Variants in SNTB1 observed in about 807,000 individuals in gnomAD.
The protein encoded by SNTB1 is syntrophin beta 1, also known as beta-1-syntrophin.
Under a neutral mutation model 48.9 loss-of-function variants are expected in SNTB1, and 36 were observed. The observed-to-expected ratio is 0.74, with a 90% CI of 0.56 to 0.97. The LOEUF is 0.97. Ranked by LOEUF, SNTB1 falls within the 50% of genes least tolerant of loss-of-function variation. The pLI, the probability that SNTB1 is intolerant of heterozygous loss-of-function variation, is 0.00. For missense variants in SNTB1, 786 were observed against 703.4 expected (o/e 1.12, Z -1.33); for synonymous variants, 299 against 294.6 (o/e 1.01, Z -0.15).
chr8:120,689,031 G>A (rs974236948), intron 2 of SNTB1, among the ~76,000 whole-genome samples: 21 of 152,162 alleles, frequency 1.4e-4, no homozygotes, highest in Non-Finnish European at 1.8e-4. Context: ...AAAAACAAGA[G>A]ATATTTAAGA....
At chr8:120,557,996 T>C (rs997747053) in intron 4 of SNTB1, among the ~76,000 whole-genome samples, 1 of 152,212 alleles carries the variant, frequency 6.6e-6, no homozygotes, top group African/African-American at 2.4e-5. Flanking sequence ...TTCTGGGAAC[T>C]AAATACCAAG....
At position 120,648,713 on chromosome 8, in the gene SNTB1, T is replaced by C. The variant is rs897006849; in HGVS notation, c.789-16062A>G. On this transcript the variant is annotated intron_variant, in intron 2 of 6. Transcript: ENST00000517992. ...TATTTCCTGAATCTGAACGTTGGCC[T>C]GCCTTGCTAGATTAGGGAAGTTCTC... Among the ~76,000 whole-genome samples, 102 of 152,190 alleles carry C rather than the reference T, an allele frequency of 6.7e-4. 1 individual carries two copies. The highest frequency in any genetic ancestry group is 1.2e-3 in the Non-Finnish European group (83 of 67,980).
chr8:120,616,715 GC>G (rs1240096387), intron 3 of SNTB1, among the ~76,000 whole-genome samples: 3 of 152,138 alleles, frequency 2.0e-5, no homozygotes, highest in Admixed American at 2.0e-4. Context: ...TTTGCATAAA[GC>G]CACTTAAAAA....
chr8:120,727,300 G>T (rs115864397), intron 1 of SNTB1, among the ~76,000 whole-genome samples: 1 of 152,108 alleles, frequency 6.6e-6, no homozygotes, highest in Non-Finnish European at 1.5e-5. Context: ...GTGTCCAAGG[G>T]TTATGTCTAC....
chr8:120,615,099 C>T (rs1054080622), intron 3 of SNTB1, among the ~76,000 whole-genome samples: 4 of 151,796 alleles, frequency 2.6e-5, no homozygotes, highest in South Asian at 4.2e-4. Flanking sequence ...TTCAGTGAGC[C>T]GAGATTGCGC....
intron 1 of SNTB1, among the ~76,000 whole-genome samples, chr8:120,699,483 A>G (rs1238638960): frequency 2.6e-5 from 4 of 152,090 alleles, no homozygotes; most frequent in Non-Finnish European, 5.9e-5. Context: ...CCTTTGTCCC[A>G]TTCTTGCCAT....
chr8:120,582,962 A>G lies in SNTB1; in HGVS notation c.997-7737T>C, dbSNP rs182200762. ...AAAAAATGAAACAGGGGACATCACT[A>G]CATAGTCTGCAGATATTAAATATAA... On this transcript the variant is annotated intron_variant, in intron 3 of 6. Transcript: ENST00000517992. 7.9e-4 allele frequency among the ~76,000 whole-genome samples: 121 copies of G among 152,296 alleles called. 1 individual carries two copies. The highest frequency in any genetic ancestry group is 2.6e-3 in the African/African-American group (110 of 41,578).
In SNTB1 at chr8:120,575,092, G is replaced by T; in HGVS notation, c.1130C>A (p.Ala377Asp). 1 of 1,614,168 alleles carries T rather than the reference G, an allele frequency of 6.2e-7. No individual in the cohort carries two copies. Among genetic ancestry groups the T allele is most frequent in the Non-Finnish European group, 8.5e-7 (1 of 1,180,004 alleles). Reference sequence around the variant, plus strand: ...AACACAAGGCCATGGCTACCTGGTGGCAAGAAGAGGGTATGTGTGAACTGG... The same window carrying T: ...AACACAAGGCCATGGCTACCTGGTGTCAAGAAGAGGGTATGTGTGAACTGG... ...FSPVHTYPLL[A>D]TRLVHSGPGK... The change falls in exon 4 of 7, where the codon GCC becomes GAC. Residue 377 changes from alanine to aspartate, a missense_variant. Transcript: ENST00000517992.
At chr8:120,693,335 C>G (rs1818158593) in intron 2 of SNTB1, among the ~76,000 whole-genome samples, 1 of 152,140 alleles carries the variant, frequency 6.6e-6, no homozygotes, top group South Asian at 2.1e-4. Flanking sequence ...CACAACCAAA[C>G]AAGGCATCTA....
intron 1 of SNTB1, among the ~76,000 whole-genome samples, chr8:120,777,073 G>A (rs998143922): frequency 5.3e-5 from 8 of 152,122 alleles, no homozygotes; most frequent in South Asian, 2.1e-4. Context: ...GATTTAGAAC[G>A]GGGAAGGACA....
intron 1 of SNTB1, among the ~76,000 whole-genome samples, chr8:120,745,315 C>A (rs1819108857): frequency 6.6e-6 from 1 of 151,988 alleles, no homozygotes; most frequent in African/African-American, 2.4e-5. Flanking sequence ...TCATCCCCAT[C>A]GTGGTTGGTT....
Position 120,538,515 on chromosome 8 carries a change from C to A in SNTB1, c.*362G>T. 2 of 385,212 alleles carry A rather than the reference C, an allele frequency of 5.2e-6. No individual in the cohort carries two copies. Among genetic ancestry groups the A allele is most frequent in the South Asian group, 3.9e-5 (2 of 51,526 alleles). 23.9% of individuals were successfully genotyped at this position (385,212 alleles called of 1,614,324 possible). ...TCTCAACTATTCGGCCCTTGCGTAC[C>A]TGGTGAACAAGTTGCCTAGGAACTG... is the stretch of plus-strand genomic sequence containing the variant. On this transcript the variant is annotated 3_prime_UTR_variant, in exon 7 of 7. Coordinates refer to ENST00000517992, the MANE Select transcript of SNTB1 (RefSeq NM_021021.4).
At chr8:120,629,070 T>G (rs1816936458) in intron 3 of SNTB1, among the ~76,000 whole-genome samples, 1 of 152,162 alleles carries the variant, frequency 6.6e-6, no homozygotes, top group African/African-American at 2.4e-5. Context: ...AACTCTCGCT[T>G]CACTTTAGAT....
intron 1 of SNTB1, among the ~76,000 whole-genome samples, chr8:120,792,060 G>A (rs1373083628): frequency 6.6e-6 from 1 of 151,260 alleles, no homozygotes; most frequent in East Asian, 1.9e-4. Context: ...CTCATCAACC[G>A]ATGAGTGGGT....
intron 1 of SNTB1, among the ~76,000 whole-genome samples, chr8:120,806,973 A>T (rs1227358888): frequency 3.3e-5 from 5 of 152,244 alleles, no homozygotes; most frequent in Non-Finnish European, 7.4e-5. Context: ...GAGGTTCCAG[A>T]CCATCTCAGG....
At chr8:120,769,532 T>G (rs1819582660) in intron 1 of SNTB1, 1 of 152,270 alleles carries the variant, frequency 6.6e-6, no homozygotes. Context: ...GGATGCTCAT[T>G]CTGGGTTGGG....
intron 4 of SNTB1, among the ~76,000 whole-genome samples, chr8:120,560,051 G>A (rs533182882): frequency 2.0e-5 from 3 of 152,158 alleles, no homozygotes; most frequent in Non-Finnish European, 4.4e-5. Context: ...CTTCAGGAAA[G>A]AAATGAGGGT....
intron 2 of SNTB1, among the ~76,000 whole-genome samples, chr8:120,685,435 A>G (rs1258090451): frequency 6.6e-6 from 1 of 152,130 alleles, no homozygotes; most frequent in African/African-American, 2.4e-5. Flanking sequence ...GCCAAGTTTT[A>G]CTACCTGTGC....
At chr8:120,692,889 G>A (rs993967944) in intron 2 of SNTB1, among the ~76,000 whole-genome samples, 1 of 152,144 alleles carries the variant, frequency 6.6e-6, no homozygotes, top group Admixed American at 6.5e-5. Context: ...ATGGTGCATT[G>A]ATTTATTTTG....
Sources: gnomAD v4.1 joint callset for allele counts (sites outside exome capture counted in the v4.1 genomes callset) on GRCh38, gnomAD v4.1.1 for gene constraint, MANE v1.5 for transcripts, NCBI Gene and HGNC (gene_info 2026-07-23, HGNC 2026-07-21) for gene names.